CNTN1: variants seen among roughly 807,000 people sequenced by gnomAD.
CNTN1 encodes the protein contactin-1.
CNTN1 carries 38 observed loss-of-function variants against 126.4 expected under a neutral mutation model. The observed-to-expected ratio is 0.30, with a 90% CI of 0.23 to 0.39. The LOEUF is 0.39. Ranked by LOEUF, CNTN1 falls within the 10% of genes least tolerant of loss-of-function variation. CNTN1 has a pLI of 1.00. For synonymous variants in CNTN1, 413 were observed against 422.6 expected (o/e 0.98, Z 0.28); for missense variants, 1,009 against 1,248.4 (o/e 0.81, Z 2.89).
chr12:40,775,997 G>C (rs1278764696), intron 1 of CNTN1, among the ~76,000 whole-genome samples: 1 of 151,622 alleles, frequency 6.6e-6, no homozygotes, highest in Admixed American at 6.6e-5. Context: ...GAATTATACA[G>C]TGTAGCTTAT....
At chr12:40,778,354 T>C (rs1445710360) in intron 1 of CNTN1, among the ~76,000 whole-genome samples, 1 of 151,902 alleles carries the variant, frequency 6.6e-6, no homozygotes, top group African/African-American at 2.4e-5. Flanking sequence ...CATTCATTTA[T>C]ATACAGTCTA....
intron 20 of CNTN1, among the ~76,000 whole-genome samples, chr12:41,024,925 T>C (rs574710705): frequency 6.6e-6 from 1 of 152,204 alleles, no homozygotes; most frequent in Non-Finnish European, 1.5e-5. Flanking sequence ...AAAACAATTT[T>C]GGGCAATGAA....
At chr12:40,747,479 C>T (rs1485080220) in intron 1 of CNTN1, among the ~76,000 whole-genome samples, 3 of 151,958 alleles carry the variant, frequency 2.0e-5, no homozygotes, top group African/African-American at 7.3e-5. Context: ...GTGATAAATT[C>T]CAGAGCACAA....
intron 21 of CNTN1, among the ~76,000 whole-genome samples, chr12:41,026,340 A>G (rs1949037566): frequency 6.6e-6 from 1 of 152,204 alleles, no homozygotes; most frequent in Non-Finnish European, 1.5e-5. Flanking sequence ...AACAAACACA[A>G]ACTCTGACAA....
At chr12:40,810,469 C>T (rs549834447) in intron 1 of CNTN1, among the ~76,000 whole-genome samples, 7 of 152,212 alleles carry the variant, frequency 4.6e-5, no homozygotes, top group Admixed American at 1.3e-4. Context: ...CCATGTTTTA[C>T]GTGAGGTCTC....
Position 41,057,031 on chromosome 12 carries a change from ATAT to A in CNTN1, c.2981-12924_2981-12922del, listed in dbSNP as rs1349417095. Among the ~76,000 whole-genome samples the A allele has an allele frequency of 2.4e-4, 16 of 67,430 alleles. 2 individuals carry two copies. Among genetic ancestry groups the A allele is most frequent in the South Asian group, 3.7e-4 (1 of 2,702 alleles). The allele number at this position is 67,430 out of a possible 152,430, so 44.2% of individuals were successfully genotyped here. A position where few individuals can be genotyped will look rare whatever the true frequency, so the allele number is the denominator to read the frequency against. ...AGATATTTATAAATGATATTTATAA[ATAT>A]TATAAATATTTAGATATTTATAAAT... On this transcript the variant is annotated intron_variant, in intron 23 of 23. Coordinates refer to ENST00000551295, the MANE Select transcript of CNTN1 (RefSeq NM_001843.4).
intron 3 of CNTN1, among the ~76,000 whole-genome samples, chr12:40,912,922 C>T (rs1719852615): frequency 6.6e-6 from 1 of 152,110 alleles, no homozygotes; most frequent in Admixed American, 6.5e-5. Context: ...GCCCACCAGC[C>T]CAGTCATGCT....
At chr12:40,846,293 C>A (rs1942498006) in intron 1 of CNTN1, among the ~76,000 whole-genome samples, 1 of 152,094 alleles carries the variant, frequency 6.6e-6, no homozygotes, top group Admixed American at 6.6e-5. Context: ...ACGGTGAAAC[C>A]CCGTCTCTAC....
intron 1 of CNTN1, among the ~76,000 whole-genome samples, chr12:40,790,179 A>G (rs1940165955): frequency 6.6e-6 from 1 of 151,950 alleles, no homozygotes; most frequent in African/African-American, 2.4e-5. Context: ...AATACATGTG[A>G]CTCCTGCTCT....
At position 40,944,011 on chromosome 12, in the gene CNTN1, A is replaced by G. The variant is rs904138397; in HGVS notation, c.1524A>G (p.Ile508Met). 4 of 1,613,364 alleles carry G rather than the reference A, an allele frequency of 2.5e-6. No individual in the cohort carries two copies. Among genetic ancestry groups the G allele is most frequent in the Middle Eastern group, 1.6e-4 (1 of 6,082 alleles). ...AATATATAGATCCTACGCGAATTATATTGGCCCCAATTAATGCCGATATCA... is the reference window on the plus strand; with the variant it reads ...AATATATAGATCCTACGCGAATTATGTTGGCCCCAATTAATGCCGATATCA... Reference protein sequence around the residue: ...TLVITDPTRIILAPINADITV... With the variant: ...TLVITDPTRIMLAPINADITV... Residue 508 changes from isoleucine (I) to methionine (M), a missense_variant, in exon 14 of 24, where the codon ATA becomes ATG. By Grantham distance (10) the Ile-to-Met change is conservative (BLOSUM62 1). Coordinates refer to ENST00000551295, the MANE Select transcript of CNTN1 (RefSeq NM_001843.4).
At chr12:41,014,010 T>G (rs968404948) in intron 17 of CNTN1, among the ~76,000 whole-genome samples, 2 of 152,252 alleles carry the variant, frequency 1.3e-5, no homozygotes, top group Non-Finnish European at 2.9e-5. Context: ...ACACTTCCTA[T>G]GGCACCAAAT....
chr12:40,973,727 T>C (rs1365775940), intron 15 of CNTN1, among the ~76,000 whole-genome samples: 1 of 152,148 alleles, frequency 6.6e-6, no homozygotes, highest in African/African-American at 2.4e-5. Flanking sequence ...GGGGGGTTTA[T>C]TTCCAACTAT....
chr12:40,813,469 T>A (rs1941159321), intron 1 of CNTN1, among the ~76,000 whole-genome samples: 1 of 152,036 alleles, frequency 6.6e-6, no homozygotes, highest in Admixed American at 6.6e-5. Flanking sequence ...CCTGGGTTAG[T>A]TTGGTGAGAT....
intron 1 of CNTN1, among the ~76,000 whole-genome samples, chr12:40,736,723 CA>C (rs1937704712): frequency 6.6e-6 from 1 of 151,872 alleles, no homozygotes; most frequent in South Asian, 2.1e-4. Flanking sequence ...ATAAGTTAAA[CA>C]AATGAAAATA....
intron 23 of CNTN1, among the ~76,000 whole-genome samples, chr12:41,069,588 C>A (rs1234292020): frequency 2.0e-5 from 3 of 151,046 alleles, no homozygotes; most frequent in Non-Finnish European, 4.4e-5. Flanking sequence ...CCTCCCCACT[C>A]CCCCCACCCC....
intron 1 of CNTN1, among the ~76,000 whole-genome samples, chr12:40,751,273 A>G (rs779705731): frequency 2.4e-4 from 36 of 152,098 alleles, no homozygotes; most frequent in Non-Finnish European, 4.4e-4. Flanking sequence ...GAAATGAAAC[A>G]TCCTGGGATG....
rs778983003 is a variant in CNTN1 at position 40,707,075 on chromosome 12, CACACACACACACA to C, written c.-77+14484_-77+14496del. ...ACACACACACACACACACACACACACACACACACACACACCCCTGCTCAGATTAAGACTATAGA... is the reference window on the plus strand; with the variant it reads ...ACACACACACACACACACACACACACCCCCTGCTCAGATTAAGACTATAGA... On this transcript the variant is annotated intron_variant, in intron 1 of 23. Coordinates refer to ENST00000551295, the MANE Select transcript of CNTN1 (RefSeq NM_001843.4). Among the ~76,000 whole-genome samples, 442 of 150,620 alleles carry C rather than the reference CACACACACACACA, an allele frequency of 2.9e-3. 5 individuals carry two copies. Among genetic ancestry groups the C allele is most frequent in the African/African-American group, 9.8e-3 (399 of 40,794 alleles).
At chr12:40,796,508 G>A (rs992998231) in intron 1 of CNTN1, among the ~76,000 whole-genome samples, 1 of 152,038 alleles carries the variant, frequency 6.6e-6, no homozygotes, top group Admixed American at 6.6e-5. Context: ...AGTGATCTAT[G>A]CTTGGGTTAA....
At position 40,910,115 on chromosome 12, in the gene CNTN1, C is replaced by T. The variant is rs573987632; in HGVS notation, c.94+10C>T. The T allele has an allele frequency of 1.3e-5, 20 of 1,595,516 alleles. No homozygotes were observed. The South Asian group carries it at 2.2e-4, about 18-fold the overall frequency. On this transcript the variant is annotated intron_variant, in intron 3 of 23. Coordinates refer to ENST00000551295, the MANE Select transcript of CNTN1 (RefSeq NM_001843.4). ...AGATATGGTCATGGAGGTAAGTTGA[C>T]CAAAGAGTAGACCTTGTAAACATCT...
Sources: allele counts gnomAD v4.1 joint callset (sites outside exome capture counted in the v4.1 genomes callset), GRCh38; gene constraint gnomAD v4.1.1; transcripts MANE v1.5; gene names NCBI Gene and HGNC (gene_info 2026-07-23, HGNC 2026-07-21).